The following RIC8B variants were observed in gnomAD, a reference collection of about 807,000 sequenced individuals.
RIC8B encodes the protein RIC8 guanine nucleotide exchange factor B.
In RIC8B, 16 loss-of-function variants were observed where a neutral mutation model predicts 57.5. The observed-to-expected ratio is 0.28, with a 90% CI of 0.19 to 0.42. The LOEUF (loss-of-function observed/expected upper bound fraction) is 0.42. Ranked by LOEUF, RIC8B falls within the 10% of genes least tolerant of loss-of-function variation. The pLI, the probability that RIC8B is intolerant of heterozygous loss-of-function variation, is 1.00. For synonymous variants in RIC8B, 216 were observed against 250.8 expected (o/e 0.86, Z 1.31); for missense variants, 481 against 677.0 (o/e 0.71, Z 3.21).
intron 1 of RIC8B, among the ~76,000 whole-genome samples, chr12:106,776,449 A>G (rs1198514745): frequency 2.6e-5 from 4 of 152,230 alleles, no homozygotes; most frequent in Admixed American, 2.6e-4. Flanking sequence ...ACTAATGTTT[A>G]TTTAGCACTT....
At chr12:106,868,379 C>T (rs1457998702) in intron 8 of RIC8B, 1 of 455,940 alleles carries the variant, frequency 2.2e-6, no homozygotes, top group Non-Finnish European at 4.4e-6. Context: ...ATCTACCTTC[C>T]CTTATACTTT....
At chr12:106,784,968 T>G (rs1196124012) in intron 2 of RIC8B, among the ~76,000 whole-genome samples, 1 of 152,206 alleles carries the variant, frequency 6.6e-6, no homozygotes, top group Non-Finnish European at 1.5e-5. Context: ...TTCCTGACTG[T>G]TCTTTCATTT....
intron 7 of RIC8B, among the ~76,000 whole-genome samples, chr12:106,852,947 A>G (rs1468168290): frequency 1.3e-5 from 2 of 152,240 alleles, no homozygotes; most frequent in Admixed American, 1.3e-4. Context: ...TTAAAGTGTA[A>G]TTATACATGC....
chr12:106,815,007 G>C lies in RIC8B; in HGVS notation c.444G>C (p.Leu148=), dbSNP rs755824805. The change falls in exon 3 of 10, where the codon CTG becomes CTC. Residue 148 remains leucine, a synonymous_variant. Transcript: ENST00000392837. ...LNLAAKLCNL[L]RKCKDRKFIN... is the part of the protein sequence containing the mutation. ...TTGCTGCAAAGCTCTGTAACCTCCT[G>C]AGAAAGTGCAAGGACCGGAAATTTA... 3.7e-6 allele frequency: 6 copies of C among 1,614,096 alleles called. No individual in the cohort carries two copies. Among genetic ancestry groups the C allele is most frequent in the African/African-American group, 2.7e-5 (2 of 74,946 alleles).
chr12:106,825,658 T>C (rs1048216308), intron 3 of RIC8B, 68 bp from the exon 4 acceptor site: 2 of 1,129,392 alleles, frequency 1.8e-6, no homozygotes. Flanking sequence ...AGAGATGTAG[T>C]AAAGTAGCAG....
chr12:106,846,362 A>G (rs1949186808), intron 6 of RIC8B, among the ~76,000 whole-genome samples: 1 of 152,228 alleles, frequency 6.6e-6, no homozygotes, highest in South Asian at 2.1e-4. Context: ...TAAATGAACC[A>G]GATTCATTTT....
intron 2 of RIC8B, among the ~76,000 whole-genome samples, chr12:106,805,514 A>T (rs2044971181): frequency 6.6e-6 from 1 of 152,088 alleles, no homozygotes; most frequent in Admixed American, 6.6e-5. Context: ...AACAACAAAA[A>T]AAACCCTGTA....
rs1566182909 is a variant in RIC8B at position 106,879,680 on chromosome 12, G to C, written c.1572-6224G>C. 9 of 985,414 alleles carry C rather than the reference G, an allele frequency of 9.1e-6. No individual in the cohort carries two copies. The South Asian group carries it at 4.2e-4, about 46-fold the overall frequency. 61.0% of individuals were successfully genotyped at this position (985,414 alleles called of 1,614,324 possible). A position where few individuals can be genotyped will look rare whatever the true frequency, so the allele number is the denominator to read the frequency against. ...AAATAGGGTTTCCTTTCTTGGACGT[G>C]CTTTATCTGTGTCCTCTTGCCTGGC... On this transcript the variant is annotated intron_variant, in intron 9 of 9. Transcript: ENST00000392837. This position sits in a 1 kb window ranked among gnomAD's most constrained non-coding sequence, Gnocchi z 4.9.
intron 1 of RIC8B, among the ~76,000 whole-genome samples, chr12:106,780,956 T>C (rs1393947692): frequency 6.6e-6 from 1 of 152,218 alleles, no homozygotes; most frequent in East Asian, 1.9e-4. Flanking sequence ...TTTACACTTT[T>C]AGTAAACAGT....
intron 7 of RIC8B, among the ~76,000 whole-genome samples, chr12:106,857,538 G>A (rs180869601): frequency 3.3e-5 from 5 of 152,156 alleles, no homozygotes; most frequent in East Asian, 1.9e-4. Flanking sequence ...AATATTTCTC[G>A]CAACTTTTTG....
chr12:106,849,688 G>A (rs941735607), intron 6 of RIC8B, among the ~76,000 whole-genome samples: 1 of 152,042 alleles, frequency 6.6e-6, no homozygotes, highest in Non-Finnish European at 1.5e-5. Flanking sequence ...ACTTTAATAT[G>A]CTCTGTAATC....
chr12:106,807,789 A>G (rs1474752957), intron 2 of RIC8B, among the ~76,000 whole-genome samples: 1 of 152,196 alleles, frequency 6.6e-6, no homozygotes, highest in Non-Finnish European at 1.5e-5. Flanking sequence ...ACAGAATTCA[A>G]AAATATTTAG....
chr12:106,818,561 A>G lies in RIC8B; in HGVS notation c.741+3257A>G, dbSNP rs548047025. Among the ~76,000 whole-genome samples the G allele has an allele frequency of 6.7e-3, 1,017 of 152,284 alleles. 8 individuals carry two copies. Among genetic ancestry groups the G allele is most frequent in the Non-Finnish European group, 0.012 (788 of 68,016 alleles). On this transcript the variant is annotated intron_variant, in intron 3 of 9. Coordinates refer to ENST00000392837, the MANE Select transcript of RIC8B (RefSeq NM_001330145.2). ...CTGCAGCTTCGAACTCCTGGGCTCAAGCCGTCCTCCTGAGTAGCTGGGACT... is the reference window on the plus strand; with the variant it reads ...CTGCAGCTTCGAACTCCTGGGCTCAGGCCGTCCTCCTGAGTAGCTGGGACT...
At chr12:106,884,928 C>T (rs1038432267) in intron 9 of RIC8B, among the ~76,000 whole-genome samples, 1 of 152,106 alleles carries the variant, frequency 6.6e-6, no homozygotes, top group African/African-American at 2.4e-5. Flanking sequence ...TGGGTTTTTG[C>T]TTATGGACAT....
At chr12:106,877,503 T>TA (rs1443048975) in intron 9 of RIC8B, among the ~76,000 whole-genome samples, 2 of 152,218 alleles carry the variant, frequency 1.3e-5, no homozygotes, top group African/African-American at 4.8e-5. Flanking sequence ...GAGCTCTTCG[T>TA]AGGTATCAGG....
intron 2 of RIC8B, among the ~76,000 whole-genome samples, chr12:106,803,779 C>T (rs2044862940): frequency 6.6e-6 from 1 of 152,196 alleles, no homozygotes; most frequent in African/African-American, 2.4e-5. Flanking sequence ...GTCACTTCTA[C>T]ATGTGGACTT....
intron 2 of RIC8B, among the ~76,000 whole-genome samples, chr12:106,805,566 A>G (rs2044973601): frequency 6.6e-6 from 1 of 152,176 alleles, no homozygotes. Flanking sequence ...TCAGACCTCC[A>G]TCATCCCTCA....
At chr12:106,819,593 A>AATAAAAAAAG (rs2045746494) in intron 3 of RIC8B, among the ~76,000 whole-genome samples, 2 of 151,958 alleles carry the variant, frequency 1.3e-5, no homozygotes, top group Admixed American at 6.6e-5. Context: ...CTCTACAAAA[A>AATAAAAAAAG]ATAAAAAAAG....
intron 2 of RIC8B, among the ~76,000 whole-genome samples, chr12:106,789,109 A>C (rs1386161670): frequency 6.6e-6 from 1 of 152,212 alleles, no homozygotes; most frequent in African/African-American, 2.4e-5. Context: ...AAAGTTCCAC[A>C]GATCTCTAGG....
Sources: allele counts gnomAD v4.1 joint callset (sites outside exome capture counted in the v4.1 genomes callset), GRCh38; gene constraint gnomAD v4.1.1; non-coding constraint Gnocchi (gnomAD v3.1); transcripts MANE v1.5; gene names NCBI Gene and HGNC (gene_info 2026-07-23, HGNC 2026-07-21).